Variants in TSN observed in about 807,000 individuals in gnomAD.
TSN encodes the protein translin.
A neutral mutation model predicts 29.4 loss-of-function variants in TSN; 5 were observed. The ratio of observed to expected loss-of-function variants is 0.17; its 90% confidence interval spans 0.09 to 0.36. The LOEUF (loss-of-function observed/expected upper bound fraction) is 0.36. TSN is among the 10% of genes least tolerant of loss of function. The pLI is 1.00. For missense variants in TSN, 159 were observed against 272.8 expected (o/e 0.58, Z 2.94); for synonymous variants, 106 against 102.2 (o/e 1.04, Z -0.23).
intron 1 of TSN, chr2:121,756,453 T>C (rs759351937): frequency 1.6e-5 from 4 of 255,556 alleles, no homozygotes; most frequent in African/African-American, 7.1e-5. Context: ...TGTTTTCTAG[T>C]AGCACATTAA....
chr2:121,761,183 C>T (rs1283873201), intron 3 of TSN, among the ~76,000 whole-genome samples: 1 of 152,092 alleles, frequency 6.6e-6, no homozygotes, highest in Non-Finnish European at 1.5e-5. Flanking sequence ...AATTTTCATA[C>T]TCATCAAAAT....
At chr2:121,758,443 A>C (rs959029973) in intron 2 of TSN, among the ~76,000 whole-genome samples, 4 of 152,234 alleles carry the variant, frequency 2.6e-5, no homozygotes, top group Admixed American at 6.5e-5. Flanking sequence ...CATCTCCTTA[A>C]GGATGACGTT....
In TSN at chr2:121,761,448, C is replaced by T. The variant is rs1340025754; in HGVS notation, c.297C>T (p.Val99=). The T allele has an allele frequency of 2.3e-5, 37 of 1,613,982 alleles. No homozygotes were observed. Among genetic ancestry groups the T allele is most frequent in the Middle Eastern group, 1.6e-4 (1 of 6,084 alleles). The change falls in exon 4 of 6, where the codon GTC becomes GTT. Residue 99 remains valine (V), a synonymous_variant. Coordinates refer to ENST00000389682, the MANE Select transcript of TSN (RefSeq NM_004622.3). The stretch of plus-strand genomic sequence containing the variant: ...GGAGGTTTGTGTTGCAGCGCTTGGT[C>T]TTCTTGGCAGCATTTGTTGTGTATT... ...EHWRFVLQRL[V]FLAAFVVYLE...
chr2:121,763,287 C>T (rs570392733), intron 5 of TSN, among the ~76,000 whole-genome samples: 11 of 152,052 alleles, frequency 7.2e-5, no homozygotes, highest in South Asian at 4.2e-4. Context: ...GGACTACAGG[C>T]GCCCGCCACC....
rs1411665351 is a variant in TSN at position 121,765,651 on chromosome 2, T to C, written c.*284T>C. On this transcript the variant is annotated 3_prime_UTR_variant, in exon 6 of 6. Transcript: ENST00000389682. Reference sequence around the variant, plus strand: ...AATGTTAGTTTCTTGGTAAAGTCCTTTTCTTGCTTACCTTGACTGTTGATG... The same window carrying C: ...AATGTTAGTTTCTTGGTAAAGTCCTCTTCTTGCTTACCTTGACTGTTGATG... 2.3e-6 allele frequency: 1 copy of C among 437,510 alleles called. No individual in the cohort carries two copies. Among genetic ancestry groups the C allele is most frequent in the African/African-American group, 2.0e-5 (1 of 50,478 alleles). The allele number at this position is 437,510 out of a possible 1,614,324, so 27.1% of individuals were successfully genotyped here.
chr2:121,756,050 T>G, intron 1 of TSN: 1 of 1,103,468 alleles, frequency 9.1e-7, no homozygotes. Flanking sequence ...AGTCTCAGCT[T>G]CTCAGCATCA....
chr2:121,763,334 A>G (rs1338441301), intron 5 of TSN, among the ~76,000 whole-genome samples: 2 of 151,518 alleles, frequency 1.3e-5, no homozygotes, highest in African/African-American at 4.9e-5. Flanking sequence ...TTTAGTAGAG[A>G]CGGGGTTTCA....
chr2:121,763,322 T>G (rs1434242007), intron 5 of TSN, among the ~76,000 whole-genome samples: 1 of 151,974 alleles, frequency 6.6e-6, no homozygotes, highest in Non-Finnish European at 1.5e-5. Context: ...TTTTTTTGTA[T>G]TTTTAGTAGA....
intron 2 of TSN, chr2:121,757,717 T>C (rs10164445): frequency 0.059 from 11,314 of 191,850 alleles, 1,362 homozygotes; most frequent in African/African-American, 0.25. Flanking sequence ...AGTGCAGTGG[T>C]GCCATCTCAG....
At position 121,763,170 on chromosome 2, in the gene TSN, TCCCG is replaced by T. The variant is rs1294280761; in HGVS notation, c.453+88_453+91del. The T allele has an allele frequency of 2.4e-5, 23 of 947,836 alleles. No homozygotes were observed. The African/African-American group carries it at 3.1e-4, about 13-fold the overall frequency. The allele number at this position is 947,836 out of a possible 1,614,324, so 58.7% of individuals were successfully genotyped here. ...TTTTTTTTTTTTTTTTGAGACAGAGTCCCGCTCTGTCGCCTAGGCTGGAGTGCAG... is the reference window on the plus strand; with the variant it reads ...TTTTTTTTTTTTTTTTGAGACAGAGTCTCTGTCGCCTAGGCTGGAGTGCAG... On this transcript the variant is annotated intron_variant, in intron 5 of 5. Transcript: ENST00000389682.
chr2:121,756,154 G>T (rs984593614), intron 1 of TSN: 3 of 454,024 alleles, frequency 6.6e-6, no homozygotes, highest in Non-Finnish European at 1.2e-5. Flanking sequence ...AGCGTTTCGT[G>T]TATTTTTGTT....
Position 121,757,332 on chromosome 2 carries a change from C to T in TSN, c.159C>T (p.Asp53=). ...TCCATCAGGGTGCTGGGTTTCAGGA[C>T]AGTAAGTTCTTTGTTTTGTATCCAA... is the stretch of plus-strand genomic sequence containing the variant. The part of the protein sequence containing the change: ...QGVHQGAGFQ[D]IPKRCLKARE... Residue 53 remains aspartate (D), a splice_region_variant and synonymous_variant, in exon 2 of 6, where the codon GAC becomes GAT. Transcript: ENST00000389682. 1.9e-6 allele frequency: 3 copies of T among 1,613,934 alleles called. No individual in the cohort carries two copies. Among genetic ancestry groups the T allele is most frequent in the Non-Finnish European group, 2.5e-6 (3 of 1,179,902 alleles).
chr2:121,757,603 C>T (rs2074768569), intron 2 of TSN: 1 of 483,200 alleles, frequency 2.1e-6, no homozygotes, highest in South Asian at 2.4e-5. Flanking sequence ...GTGCAGCTCT[C>T]TGCCAGCACA....
chr2:121,757,346 T>C lies in TSN; in HGVS notation c.160+13T>C. 6.2e-7 allele frequency: 1 copy of C among 1,613,932 alleles called. No homozygotes were observed. The highest frequency in any genetic ancestry group is 1.3e-5 in the African/African-American group (1 of 75,018). ...GGGTTTCAGGACAGTAAGTTCTTTGTTTTGTATCCAATTATCAGTCTCTTA... is the reference window on the plus strand; with the variant it reads ...GGGTTTCAGGACAGTAAGTTCTTTGCTTTGTATCCAATTATCAGTCTCTTA... On this transcript the variant is annotated intron_variant, in intron 2 of 5. Coordinates refer to ENST00000389682, the MANE Select transcript of TSN (RefSeq NM_004622.3).
rs749040049 is a variant in TSN at position 121,758,822 on chromosome 2, A to G, written c.257+16A>G. On this transcript the variant is annotated intron_variant, in intron 3 of 5. Transcript: ENST00000389682. ...AGTATTACAGGTTTGTAAGAAAAATAGCATTATTTTATAATGTTAAGTAAA... is the reference window on the plus strand; with the variant it reads ...AGTATTACAGGTTTGTAAGAAAAATGGCATTATTTTATAATGTTAAGTAAA... 6.7e-7 allele frequency: 1 copy of G among 1,484,402 alleles called. No individual in the cohort carries two copies. The highest frequency in any genetic ancestry group is 9.0e-7 in the Non-Finnish European group (1 of 1,108,380). The allele number at this position is 1,484,402 out of a possible 1,614,324, so 92.0% of individuals were successfully genotyped here. A position where few individuals can be genotyped will look rare whatever the true frequency, so the allele number is the denominator to read the frequency against.
intron 1 of TSN, chr2:121,756,064 G>C: frequency 2.1e-6 from 2 of 970,526 alleles, no homozygotes; most frequent in Non-Finnish European, 2.9e-6. Flanking sequence ...AGCATCACTT[G>C]CCTCGTTTGT....
intron 2 of TSN, chr2:121,757,659 A>T (rs1573387087): frequency 4.9e-5 from 10 of 203,906 alleles, no homozygotes; most frequent in South Asian, 2.8e-4. Flanking sequence ...TATTTTTTTA[A>T]TTTTTTTTTT....
rs1485556959 is a variant in TSN, at chr2:121,756,051, C to T, written c.66+206C>T. On this transcript the variant is annotated intron_variant, in intron 1 of 5. Coordinates refer to ENST00000389682, the MANE Select transcript of TSN (RefSeq NM_004622.3). Reference sequence around the variant, plus strand: ...ATTCCCCGTGTTCGAGTCTCAGCTTCTCAGCATCACTTGCCTCGTTTGTGT... The same window carrying T: ...ATTCCCCGTGTTCGAGTCTCAGCTTTTCAGCATCACTTGCCTCGTTTGTGT... 8.5e-6 allele frequency: 9 copies of T among 1,063,764 alleles called. No individual in the cohort carries two copies. In the African/African-American group the frequency reaches 1.4e-4, roughly 17 times the overall value. The allele number at this position is 1,063,764 out of a possible 1,614,324, so 65.9% of individuals were successfully genotyped here. A position where few individuals can be genotyped will look rare whatever the true frequency, so the allele number is the denominator to read the frequency against.
At chr2:121,757,732 CT>C (rs931108078) in intron 2 of TSN, 7 of 169,974 alleles carry the variant, frequency 4.1e-5, no homozygotes, top group African/African-American at 1.7e-4. Flanking sequence ...TCTCAGCTCA[CT>C]GCAACCTCCG....
Sources: allele counts gnomAD v4.1 joint callset (sites outside exome capture counted in the v4.1 genomes callset), GRCh38; gene constraint gnomAD v4.1.1; transcripts MANE v1.5; gene names NCBI Gene and HGNC (gene_info 2026-07-23, HGNC 2026-07-21).